The following TICAM2 variants were observed in gnomAD, a reference collection of about 807,000 sequenced individuals.
TICAM2 encodes TIR domain-containing adapter molecule 2.
In TICAM2, 8 loss-of-function variants were observed where a neutral mutation model predicts 7.3. The observed-to-expected ratio is 1.10, with a 90% CI of 0.65 to 1.99. TICAM2 has a LOEUF of 1.99. Ranked by LOEUF, TICAM2 falls within the 30% of genes most tolerant of loss-of-function variation. The pLI, the probability that TICAM2 is intolerant of heterozygous loss-of-function variation, is 0.00. For synonymous variants in TICAM2, 113 were observed against 99.6 expected (o/e 1.13, Z -0.80); for missense variants, 304 against 278.8 (o/e 1.09, Z -0.65).
chr5:115,599,404 T>A (rs1755632158), intron 1 of TICAM2, among the ~76,000 whole-genome samples: 1 of 152,160 alleles, frequency 6.6e-6, no homozygotes, highest in South Asian at 2.1e-4. Context: ...AGGGCAAATC[T>A]CCAAATCAGG....
intron 1 of TICAM2, among the ~76,000 whole-genome samples, chr5:115,595,744 T>A (rs1031316849): frequency 1.3e-5 from 2 of 152,202 alleles, no homozygotes; most frequent in Admixed American, 1.3e-4. Flanking sequence ...AGTTCTAATA[T>A]CCACCTATTT....
At chr5:115,590,102 C>A (rs1286127070) in intron 1 of TICAM2, among the ~76,000 whole-genome samples, 1 of 152,102 alleles carries the variant, frequency 6.6e-6, no homozygotes, top group African/African-American at 2.4e-5. Context: ...AATCCCAATA[C>A]TTTGAGAAGC....
chr5:115,582,266 C>T (rs973125412), intron 1 of TICAM2, among the ~76,000 whole-genome samples: 27 of 151,936 alleles, frequency 1.8e-4, no homozygotes, highest in African/African-American at 6.0e-4. Context: ...AAGCCATACT[C>T]CCACCTCAGC....
At chr5:115,583,373 TG>T (rs756320344) in intron 1 of TICAM2, among the ~76,000 whole-genome samples, 26 of 152,308 alleles carry the variant, frequency 1.7e-4, no homozygotes, top group South Asian at 4.1e-4. Context: ...GGTAAGATAG[TG>T]TGTCAAGGCA....
intron 1 of TICAM2, among the ~76,000 whole-genome samples, chr5:115,587,616 C>T (rs574498444): frequency 2.5e-4 from 38 of 152,156 alleles, no homozygotes; most frequent in Middle Eastern, 6.8e-3. Context: ...GGGATGCCTC[C>T]CAAGCTTATG....
At chr5:115,586,359 C>A (rs1755104272) in intron 1 of TICAM2, among the ~76,000 whole-genome samples, 1 of 150,054 alleles carries the variant, frequency 6.7e-6, no homozygotes, top group African/African-American at 2.5e-5. Context: ...CCCATTACTG[C>A]TATGACAACA....
In TICAM2 at chr5:115,602,376, C is replaced by G. The variant is rs530930334; in HGVS notation, c.-339G>C. ...CTGTTGGCGCCCACCCCGCCGCCCC[C>G]GAGGGGCCGCTCGAGGCCGGACTGC... On this transcript the variant is annotated 5_prime_UTR_variant, in exon 1 of 2. Coordinates refer to ENST00000427199, the MANE Select transcript of TICAM2 (RefSeq NM_021649.7). 1.3e-5 allele frequency: 2 copies of G among 152,592 alleles called. No individual in the cohort carries two copies. The highest frequency in any genetic ancestry group is 2.9e-5 in the Non-Finnish European group (2 of 68,278). 9.5% of individuals were successfully genotyped at this position (152,592 alleles called of 1,614,324 possible). A position where few individuals can be genotyped will look rare whatever the true frequency, so the allele number is the denominator to read the frequency against.
In TICAM2 at chr5:115,602,243, C is replaced by G. The variant is rs972885541; in HGVS notation, c.-206G>C. On this transcript the variant is annotated 5_prime_UTR_variant, in exon 1 of 2. Transcript: ENST00000427199. ...GCGGCGCGCCGCAACCCAGTCCCCG[C>G]GACCACAGCAGCCTGCTCCCCACCG... 1 of 152,704 alleles carries G rather than the reference C, an allele frequency of 6.5e-6. No homozygotes were observed. The highest frequency in any genetic ancestry group is 2.4e-5 in the African/African-American group (1 of 41,470). 9.5% of individuals were successfully genotyped at this position (152,704 alleles called of 1,614,324 possible).
At chr5:115,585,693 C>T (rs947490756) in intron 1 of TICAM2, among the ~76,000 whole-genome samples, 19 of 152,114 alleles carry the variant, frequency 1.2e-4, no homozygotes, top group Admixed American at 1.2e-3. Context: ...AAAGGAGTGC[C>T]GTGGGGCTGG....
At chr5:115,598,960 G>C (rs770007454) in intron 1 of TICAM2, among the ~76,000 whole-genome samples, 3 of 151,926 alleles carry the variant, frequency 2.0e-5, no homozygotes, top group Non-Finnish European at 4.4e-5. Context: ...CAGATGCAGT[G>C]GTATGTGCCT....
intron 1 of TICAM2, among the ~76,000 whole-genome samples, chr5:115,587,191 C>T (rs1427784686): frequency 2.6e-5 from 4 of 152,118 alleles, no homozygotes; most frequent in African/African-American, 9.7e-5. Flanking sequence ...GTATTTTGCT[C>T]AGGACTTTGG....
intron 1 of TICAM2, among the ~76,000 whole-genome samples, chr5:115,589,289 C>T (rs561546338): frequency 8.5e-5 from 13 of 152,266 alleles, no homozygotes; most frequent in Admixed American, 2.6e-4. Context: ...CAAGCTCTGC[C>T]GAGCTGTCAG....
At chr5:115,587,662 T>G (rs1362918784) in intron 1 of TICAM2, among the ~76,000 whole-genome samples, 1 of 152,144 alleles carries the variant, frequency 6.6e-6, no homozygotes, top group Non-Finnish European at 1.5e-5. Context: ...TGTCATTCAC[T>G]GAGAAAAGCA....
chr5:115,586,044 T>A (rs904910384), intron 1 of TICAM2, among the ~76,000 whole-genome samples: 1 of 152,160 alleles, frequency 6.6e-6, no homozygotes, highest in African/African-American at 2.4e-5. Context: ...GTCTGGAGTG[T>A]AGGAGAAAGG....
chr5:115,580,447 G>C lies in TICAM2; in HGVS notation c.*102C>G, dbSNP rs905446938. 1 of 1,359,270 alleles carries C rather than the reference G, an allele frequency of 7.4e-7. No homozygotes were observed. The highest frequency in any genetic ancestry group is 9.6e-7 in the Non-Finnish European group (1 of 1,042,908). The allele number at this position is 1,359,270 out of a possible 1,614,324, so 84.2% of individuals were successfully genotyped here. On this transcript the variant is annotated 3_prime_UTR_variant, in exon 2 of 2. Coordinates refer to ENST00000427199, the MANE Select transcript of TICAM2 (RefSeq NM_021649.7). ...GCTCCATAGGTTTCTTTAAGGTGAA[G>C]ACTCTCTTTTATTTAAACATTTCCT...
chr5:115,595,236 T>G (rs951813749), intron 1 of TICAM2, among the ~76,000 whole-genome samples: 86 of 152,124 alleles, frequency 5.7e-4, no homozygotes, highest in African/African-American at 2.0e-3. Context: ...CAATCAATCT[T>G]TCCTCCTCAA....
intron 1 of TICAM2, among the ~76,000 whole-genome samples, chr5:115,598,075 TCACA>T (rs1245309320): frequency 3.3e-5 from 5 of 152,300 alleles, no homozygotes; most frequent in Admixed American, 6.5e-5. Context: ...TGAACAATGA[TCACA>T]CAGTCTGAAA....
At chr5:115,588,863 T>A (rs1485278673) in intron 1 of TICAM2, among the ~76,000 whole-genome samples, 1 of 152,208 alleles carries the variant, frequency 6.6e-6, no homozygotes, top group African/African-American at 2.4e-5. Context: ...CTTCTGAGTA[T>A]GCCAAAAGCC....
rs1483035026 is a variant in TICAM2, at chr5:115,581,088, C to T, written c.169G>A (p.Gly57Arg). 40 of 1,614,070 alleles carry T rather than the reference C, an allele frequency of 2.5e-5. No homozygotes were observed. Among genetic ancestry groups the T allele is most frequent in the Non-Finnish European group, 3.3e-5 (39 of 1,180,056 alleles). The change falls in exon 2 of 2, where the codon GGA (glycine) becomes AGA (arginine). Residue 57 changes from glycine to arginine, a missense_variant. By Grantham distance (125) the Gly-to-Arg change is moderately radical. Coordinates refer to ENST00000427199, the MANE Select transcript of TICAM2 (RefSeq NM_021649.7). ...EHSNTTEGPT[G>R]KQEGAQSVEE... ...ACGCTCTGAGCTCCCTCCTGCTTTC[C>T]TGTTGGCCCCTCTGTTGTATTGCTG...
Sources: gnomAD v4.1 joint callset for allele counts (sites outside exome capture counted in the v4.1 genomes callset) on GRCh38, gnomAD v4.1.1 for gene constraint, MANE v1.5 for transcripts, NCBI Gene and HGNC (gene_info 2026-07-23, HGNC 2026-07-21) for gene names.